NCS1: variants seen among roughly 807,000 people sequenced by gnomAD.
The protein encoded by NCS1 is neuronal calcium sensor 1, also known as frequenin homolog.
Under a neutral mutation model 28.4 loss-of-function variants are expected in NCS1, and 6 were observed. The ratio of observed to expected loss-of-function variants is 0.21; its 90% CI spans 0.12 to 0.42. The LOEUF is 0.42. Ranked by LOEUF, NCS1 falls within the 10% of genes least tolerant of loss-of-function variation. The pLI is 1.00. For missense variants in NCS1, 131 were observed against 241.4 expected (o/e 0.54, Z 3.03); for synonymous variants, 86 against 99.3 (o/e 0.87, Z 0.79).
chr9:130,218,976 C>T (rs55716566), intron 3 of NCS1, among the ~76,000 whole-genome samples: 10,279 of 152,172 alleles, frequency 0.068, 433 homozygotes, highest in Middle Eastern at 0.11. Flanking sequence ...GAAACTGAGG[C>T]TCTGAGAATC....
At chr9:130,199,205 T>C (rs1183788952) in intron 1 of NCS1, among the ~76,000 whole-genome samples, 1 of 152,100 alleles carries the variant, frequency 6.6e-6, no homozygotes, top group Non-Finnish European at 1.5e-5. Context: ...GCGATTCTCC[T>C]GCCTCAGCCT....
In NCS1 at chr9:130,188,183, C is replaced by G. The variant is rs1554905841; in HGVS notation, c.65-12775C>G. Among the ~76,000 whole-genome samples, 6 of 152,242 alleles carry G rather than the reference C, an allele frequency of 3.9e-5. 1 individual carries two copies. ...ACTTGCTGTGTTCTCTCCACCTGGA[C>G]CACACCACGCTGCCTCTGGATAAGG... On this transcript the variant is annotated intron_variant, in intron 1 of 7. Coordinates refer to ENST00000372398, the MANE Select transcript of NCS1 (RefSeq NM_014286.4).
intron 2 of NCS1, among the ~76,000 whole-genome samples, chr9:130,213,112 T>G (rs1833135766): frequency 6.6e-6 from 1 of 152,216 alleles, no homozygotes; most frequent in Non-Finnish European, 1.5e-5. Flanking sequence ...GCAGCCTGGC[T>G]TGCCGGAGGG....
chr9:130,219,726 AC>A lies in NCS1; in HGVS notation c.231del (p.Asp77GlufsTer15). On this transcript the variant is annotated frameshift_variant and splice_region_variant, in exon 4 of 8. Transcript: ENST00000372398. LOFTEE classifies it high-confidence loss of function. This position sits in a 1 kb window ranked among gnomAD's most constrained non-coding sequence, Gnocchi z 5.7. ...GCAATCCCCTCTCTCTCCTGTCAGG[AC>A]GGGCGAATTGAGTTCTCCGAGTTCA... ...FVFNVFDENK[D>X]GRIEFSEFIQ... The A allele has an allele frequency of 6.2e-7, 1 of 1,614,122 alleles. No individual in the cohort carries two copies. The highest frequency in any genetic ancestry group is 8.5e-7 in the Non-Finnish European group (1 of 1,180,012).
In NCS1 at chr9:130,186,280, C is replaced by T. The variant is rs1832737571; in HGVS notation, c.64+13553C>T. Among the ~76,000 whole-genome samples, 3 of 152,112 alleles carry T rather than the reference C, an allele frequency of 2.0e-5. No homozygotes were observed. The highest frequency in any genetic ancestry group is 2.1e-4 in the South Asian group (1 of 4,826). ...GAGGCAGATGTCAGGCTGGGATAAG[C>T]GTCAAGACAGGGCTTTGCACAATGG... On this transcript the variant is annotated intron_variant, in intron 1 of 7. Coordinates refer to ENST00000372398, the MANE Select transcript of NCS1 (RefSeq NM_014286.4). This position sits in a 1 kb window ranked among gnomAD's most constrained non-coding sequence, Gnocchi z 4.1.
Position 130,181,547 on chromosome 9 carries a change from G to A in NCS1, c.64+8820G>A, listed in dbSNP as rs1554905138. Among the ~76,000 whole-genome samples the A allele has an allele frequency of 6.6e-6, 1 of 152,194 alleles. No individual in the cohort carries two copies. ...ACAGATGAGGAAATGGAGGCTCAGA[G>A]TGGATGAGAGCTGGCTCATGGTCCC... On this transcript the variant is annotated intron_variant, in intron 1 of 7. Coordinates refer to ENST00000372398, the MANE Select transcript of NCS1 (RefSeq NM_014286.4). This position sits in a 1 kb window ranked among gnomAD's most constrained non-coding sequence, Gnocchi z 5.0.
intron 1 of NCS1, among the ~76,000 whole-genome samples, chr9:130,182,120 G>A (rs1470619189): frequency 6.6e-6 from 1 of 152,090 alleles, no homozygotes; most frequent in Non-Finnish European, 1.5e-5. Context: ...CAGGAGTGCT[G>A]AGTGCTGCCC....
rs115269533 is a variant in NCS1, at chr9:130,228,551, C to A, written c.*17+2047C>A. Among the ~76,000 whole-genome samples the A allele has an allele frequency of 8.9e-3, 1,353 of 151,882 alleles. 21 individuals are homozygous for A. Among genetic ancestry groups the A allele is most frequent in the African/African-American group, 0.031 (1,295 of 41,412 alleles). On this transcript the variant is annotated intron_variant, in intron 7 of 7. Transcript: ENST00000372398. ...AGATTGGTTTTTGAATGCTAAGTCA[C>A]CTTGCATTCTTAGAATAAACTCCAC...
chr9:130,222,241 G>A (rs1049658986), intron 4 of NCS1, among the ~76,000 whole-genome samples: 5 of 150,904 alleles, frequency 3.3e-5, no homozygotes, highest in Non-Finnish European at 7.4e-5. Flanking sequence ...TGCAAACTTC[G>A]CCTCCTGGGC....
At chr9:130,200,765 G>T (rs1001823527) in intron 1 of NCS1, among the ~76,000 whole-genome samples, 193 bp from the exon 2 acceptor site, 2 of 152,210 alleles carry the variant, frequency 1.3e-5, no homozygotes, top group African/African-American at 4.8e-5. Flanking sequence ...GTCCCCTGCT[G>T]GGGTGGTGGG....
intron 1 of NCS1, among the ~76,000 whole-genome samples, chr9:130,179,611 G>A (rs536182132): frequency 2.0e-4 from 31 of 152,308 alleles, no homozygotes; most frequent in African/African-American, 7.5e-4. Context: ...CAGAAAGGCT[G>A]TTCCAGTTTA....
rs1833169576 is a variant in NCS1 at position 130,215,533 on chromosome 9, C to T, written c.90-2299C>T. 1.3e-5 allele frequency among the ~76,000 whole-genome samples: 2 copies of T among 152,200 alleles called. No individual in the cohort carries two copies. On this transcript the variant is annotated intron_variant, in intron 2 of 7. Coordinates refer to ENST00000372398, the MANE Select transcript of NCS1 (RefSeq NM_014286.4). The surrounding 1 kb of genome is among the most constrained non-coding windows in gnomAD (Gnocchi z 4.2). ...GAGGGACGGATGCTGGGGTCGCACA[C>T]TGGCCGGCAGGGCAGAGGACAGGAG...
In NCS1 at chr9:130,234,992, T is replaced by C. The variant is rs11552450; in HGVS notation, c.*2020T>C. The stretch of plus-strand genomic sequence containing the variant: ...AGGCCTCCAGCCCGAGGAAGGCCTC[T>C]GCCGTAGTGACGTTGCCGTGTGGGG... On this transcript the variant is annotated 3_prime_UTR_variant, in exon 8 of 8. Transcript: ENST00000372398. The surrounding 1 kb of genome is among the most constrained non-coding windows in gnomAD (Gnocchi z 6.1). 0.056 allele frequency: 8,479 copies of C among 152,432 alleles called. 320 individuals carry two copies. Among genetic ancestry groups the C allele is most frequent in the East Asian group, 0.19 (973 of 5,162 alleles). 9.4% of individuals were successfully genotyped at this position (152,432 alleles called of 1,614,324 possible).
intron 2 of NCS1, among the ~76,000 whole-genome samples, chr9:130,201,356 T>C (rs972372668): frequency 6.6e-5 from 10 of 152,178 alleles, no homozygotes; most frequent in African/African-American, 2.4e-4. Flanking sequence ...ACCCCTTCTA[T>C]AGAATGATCG....
intron 1 of NCS1, among the ~76,000 whole-genome samples, 190 bp downstream of exon 1, chr9:130,172,917 G>A (rs1832505871): frequency 1.3e-5 from 2 of 151,522 alleles, no homozygotes; most frequent in Admixed American, 6.6e-5. Flanking sequence ...CGGCCCCATT[G>A]TTCTGGCACC....
chr9:130,193,779 GGAGGAGCTTCT>G (rs1832845672), intron 1 of NCS1: 1 of 153,296 alleles, frequency 6.5e-6, no homozygotes, highest in African/African-American at 2.4e-5. Flanking sequence ...CGTGGGCCTG[GGAGGAGCTTCT>G]GAGGCCAGCT....
chr9:130,222,341 C>T (rs1424052453), intron 4 of NCS1, among the ~76,000 whole-genome samples: 2 of 151,540 alleles, frequency 1.3e-5, no homozygotes, highest in Non-Finnish European at 2.9e-5. Flanking sequence ...TTTGTAGAGA[C>T]GGGGTTTTGC....
At position 130,219,005 on chromosome 9, in the gene NCS1, T is replaced by G. The variant is rs1417025420; in HGVS notation, c.229-720T>G. Among the ~76,000 whole-genome samples, 16 of 152,200 alleles carry G rather than the reference T, an allele frequency of 1.1e-4. No individual in the cohort carries two copies. The highest frequency in any genetic ancestry group is 2.2e-4 in the Non-Finnish European group (15 of 68,042). On this transcript the variant is annotated intron_variant, in intron 3 of 7. Transcript: ENST00000372398. The surrounding 1 kb of genome is among the most constrained non-coding windows in gnomAD (Gnocchi z 5.7). ...GAGAATCGTAGGCTATAGGATCTTT[T>G]GTTCCTGGCGTTTTCCACTGAGCAT...
intron 3 of NCS1, 57 bp downstream of exon 3, chr9:130,218,027 C>A: frequency 6.2e-7 from 1 of 1,605,646 alleles, no homozygotes. Flanking sequence ...TGGGTACCCG[C>A]AGCGTCTCCA....
Sources: gnomAD v4.1 joint callset for allele counts (sites outside exome capture counted in the v4.1 genomes callset) on GRCh38, gnomAD v4.1.1 for gene constraint, Gnocchi (gnomAD v3.1) non-coding constraint, MANE v1.5 for transcripts, NCBI Gene and HGNC (gene_info 2026-07-23, HGNC 2026-07-21) for gene names.